Variants in GRIN2B observed in about 807,000 individuals in gnomAD.
GRIN2B encodes glutamate receptor ionotropic, NMDA 2B.
In GRIN2B, 5 loss-of-function variants were observed where a neutral mutation model predicts 114.5. The ratio of observed to expected loss-of-function variants is 0.04; its 90% CI spans 0.02 to 0.09. The LOEUF (loss-of-function observed/expected upper bound fraction) is 0.09, where lower values mean the gene tolerates loss of function less well. Among genes scored for constraint, GRIN2B ranks in the 10% least tolerant of loss-of-function variants. GRIN2B has a pLI of 1.00. For missense variants in GRIN2B, 1,108 were observed against 1,943.5 expected (o/e 0.57, Z 8.08); for synonymous variants, 787 against 745.1 (o/e 1.06, Z -0.92).
chr12:13,714,352 G>A (rs1297523560), intron 4 of GRIN2B, among the ~76,000 whole-genome samples: 1 of 151,878 alleles, frequency 6.6e-6, no homozygotes, highest in African/African-American at 2.4e-5. Flanking sequence ...CATGACAGAG[G>A]CTTGATATGG....
chr12:13,718,828 C>G (rs141837775), intron 4 of GRIN2B, among the ~76,000 whole-genome samples: 2 of 152,032 alleles, frequency 1.3e-5, no homozygotes. Context: ...GCTCCCTTCA[C>G]GCTGTAAGTA....
chr12:13,751,515 G>A (rs928251056), intron 4 of GRIN2B, among the ~76,000 whole-genome samples: 3 of 152,162 alleles, frequency 2.0e-5, no homozygotes, highest in Admixed American at 2.0e-4. Flanking sequence ...GGGGCAAACA[G>A]TACGATTGAC....
chr12:13,849,576 G>T (rs982284249), intron 3 of GRIN2B, among the ~76,000 whole-genome samples: 4 of 152,064 alleles, frequency 2.6e-5, no homozygotes, highest in Non-Finnish European at 5.9e-5. Flanking sequence ...GTGGGGGAAA[G>T]GTTCTGGCAG....
intron 5 of GRIN2B, among the ~76,000 whole-genome samples, chr12:13,670,943 T>C (rs577578608): frequency 1.3e-5 from 2 of 152,198 alleles, no homozygotes; most frequent in South Asian, 4.1e-4. Context: ...TACTGTTCAT[T>C]TTTTTATTAA....
At chr12:13,587,655 G>C (rs1948947634) in intron 10 of GRIN2B, among the ~76,000 whole-genome samples, 1 of 152,118 alleles carries the variant, frequency 6.6e-6, no homozygotes. Context: ...ACACCCAGCT[G>C]AATTTTCAGA....
At chr12:13,839,744 A>G (rs562764124) in intron 3 of GRIN2B, among the ~76,000 whole-genome samples, 6 of 152,326 alleles carry the variant, frequency 3.9e-5, no homozygotes, top group African/African-American at 1.4e-4. Flanking sequence ...AAACAAGGAC[A>G]GGAACAAGAA....
intron 2 of GRIN2B, among the ~76,000 whole-genome samples, chr12:13,894,399 A>G (rs1024436796): frequency 1.3e-5 from 2 of 152,268 alleles, no homozygotes; most frequent in Admixed American, 1.3e-4. Flanking sequence ...TAAGTAGCCT[A>G]AAAAAATTAT....
At chr12:13,684,261 C>T (rs1420824937) in intron 4 of GRIN2B, among the ~76,000 whole-genome samples, 1 of 152,146 alleles carries the variant, frequency 6.6e-6, no homozygotes, top group South Asian at 2.1e-4. Context: ...AATGATCCCC[C>T]TTCTGACCTC....
At chr12:13,830,539 C>T in intron 3 of GRIN2B, among the ~76,000 whole-genome samples, 1 of 152,190 alleles carries the variant, frequency 6.6e-6, no homozygotes, top group Non-Finnish European at 1.5e-5. Flanking sequence ...ATTAGCTTTT[C>T]TTTCACACAT....
At chr12:13,692,312 A>G (rs1950221337) in intron 4 of GRIN2B, among the ~76,000 whole-genome samples, 1 of 152,162 alleles carries the variant, frequency 6.6e-6, no homozygotes, top group Non-Finnish European at 1.5e-5. Context: ...CTATCCCTGT[A>G]ACACAGGGAG....
chr12:13,763,704 A>G (rs1411883345), intron 3 of GRIN2B, among the ~76,000 whole-genome samples: 1 of 152,232 alleles, frequency 6.6e-6, no homozygotes, highest in Non-Finnish European at 1.5e-5. Context: ...ATAGGGACTC[A>G]GAGCTTGCTG....
chr12:13,967,626 G>A (rs1035476310), intron 2 of GRIN2B, among the ~76,000 whole-genome samples: 8 of 152,210 alleles, frequency 5.3e-5, no homozygotes, highest in African/African-American at 1.9e-4. Flanking sequence ...CATTCTGTTA[G>A]GCACACACCA....
At chr12:13,731,884 C>A (rs760245709) in intron 4 of GRIN2B, among the ~76,000 whole-genome samples, 1 of 152,086 alleles carries the variant, frequency 6.6e-6, no homozygotes, top group Non-Finnish European at 1.5e-5. Context: ...TTTATCATAA[C>A]CATTTCATCA....
intron 4 of GRIN2B, among the ~76,000 whole-genome samples, chr12:13,703,438 T>C (rs569411539): frequency 6.6e-6 from 1 of 152,194 alleles, no homozygotes; most frequent in Non-Finnish European, 1.5e-5. Flanking sequence ...ATAATTTCAC[T>C]TTGTAGAGAC....
chr12:13,692,764 T>TTTC (rs1950225823), intron 4 of GRIN2B, among the ~76,000 whole-genome samples: 20 of 8,900 alleles, frequency 2.2e-3, no homozygotes, highest in African/African-American at 4.1e-3. Flanking sequence ...TCTTTTCTTT[T>TTTC]TTTTTTTTTT....
chr12:13,663,419 A>G (rs1949943767), intron 5 of GRIN2B, among the ~76,000 whole-genome samples: 1 of 152,218 alleles, frequency 6.6e-6, no homozygotes, highest in Non-Finnish European at 1.5e-5. Context: ...ATCAAATAGC[A>G]CAAGGACACA....
At chr12:13,630,502 G>A (rs1949607005) in intron 5 of GRIN2B, among the ~76,000 whole-genome samples, 1 of 152,154 alleles carries the variant, frequency 6.6e-6, no homozygotes, top group Non-Finnish European at 1.5e-5. Context: ...ACTTGGATGA[G>A]CGATAGTCAG....
At chr12:13,930,838 A>G (rs1280905259) in intron 2 of GRIN2B, among the ~76,000 whole-genome samples, 1 of 150,806 alleles carries the variant, frequency 6.6e-6, no homozygotes, top group Non-Finnish European at 1.5e-5. Context: ...GCCCCCCAAC[A>G]AAAAAAAACC....
At position 13,552,342 on chromosome 12, in the gene GRIN2B, G is replaced by C. The variant is rs1030142431; in HGVS notation, c.*10441C>G. 6.6e-6 allele frequency: 1 copy of C among 152,138 alleles called. No homozygotes were observed. The highest frequency in any genetic ancestry group is 1.5e-5 in the Non-Finnish European group (1 of 68,026). The allele number at this position is 152,138 out of a possible 1,614,324, so 9.4% of individuals were successfully genotyped here. A position where few individuals can be genotyped will look rare whatever the true frequency, so the allele number is the denominator to read the frequency against. ...TCCGCTTTGGTCCTTGCTCTTTCAA[G>C]TTTCCCTACTTTCCGAAGCTATCAT... On this transcript the variant is annotated 3_prime_UTR_variant, in exon 14 of 14. Transcript: ENST00000609686.
Sources: allele counts gnomAD v4.1 joint callset (sites outside exome capture counted in the v4.1 genomes callset), GRCh38; gene constraint gnomAD v4.1.1; transcripts MANE v1.5; gene names NCBI Gene and HGNC (gene_info 2026-07-23, HGNC 2026-07-21).